ICAM3: variants seen among roughly 807,000 people sequenced by gnomAD.
The protein encoded by ICAM3 is ICAM-3.
In ICAM3, 54 loss-of-function variants were observed where a neutral mutation model predicts 43.6. The ratio of observed to expected loss-of-function variants is 1.24; its 90% CI spans 0.99 to 1.55. ICAM3 has a LOEUF of 1.55. Ranked by LOEUF, ICAM3 falls within the 40% of genes most tolerant of loss-of-function variation. The pLI is 0.00. For missense variants in ICAM3, 715 were observed against 717.9 expected (o/e 1.00, Z 0.05); for synonymous variants, 306 against 312.6 (o/e 0.98, Z 0.22).
Position 10,339,620 on chromosome 19 carries a change from C to A in ICAM3, c.-6G>T. ...GATGGTACCATGGTGGCCATTCTGA[C>A]AGAGGAAGGTGCCTTCCTGAGGTGC... On this transcript the variant is annotated 5_prime_UTR_variant, in exon 1 of 7. Coordinates refer to ENST00000160262, the MANE Select transcript of ICAM3 (RefSeq NM_002162.5). The A allele has an allele frequency of 6.2e-7, 1 of 1,613,012 alleles. No individual in the cohort carries two copies. The highest frequency in any genetic ancestry group is 1.3e-5 in the African/African-American group (1 of 75,062).
In ICAM3 at chr19:10,339,404, TC is replaced by T. The variant is rs1179251692; in HGVS notation, c.76+134del. ...AGGCTGAACTAAGGAACCAGAACTT[TC>T]TCCCGAGGATACAGAGTCAGCGGCC... On this transcript the variant is annotated intron_variant, in intron 1 of 6. Transcript: ENST00000160262. 7.2e-5 allele frequency: 54 copies of T among 748,246 alleles called. 2 individuals are homozygous for T. The East Asian group carries it at 1.2e-3, about 17-fold the overall frequency. The allele number at this position is 748,246 out of a possible 1,614,324, so 46.4% of individuals were successfully genotyped here.
chr19:10,336,148 G>T (rs1334161383), intron 2 of ICAM3, 172 bp from the exon 3 acceptor site: 27 of 602,166 alleles, frequency 4.5e-5, no homozygotes, highest in Non-Finnish European at 1.7e-5. Context: ...CATTAGCGCA[G>T]TGATTATCAT....
At position 10,334,525 on chromosome 19, in the gene ICAM3, C is replaced by A. The variant is rs2040563082; in HGVS notation, c.1192+3G>T. On this transcript the variant is annotated splice_donor_region_variant and intron_variant, in intron 5 of 6. Coordinates refer to ENST00000160262, the MANE Select transcript of ICAM3 (RefSeq NM_002162.5). This position sits in a 1 kb window ranked among gnomAD's most constrained non-coding sequence, Gnocchi z 5.5. Reference sequence around the variant, plus strand: ...GGATTAAAGGTCAGGGTGACCGACTCACACAGGACTCGCAGCTGGACGCTA... The same window carrying A: ...GGATTAAAGGTCAGGGTGACCGACTAACACAGGACTCGCAGCTGGACGCTA... 1 of 1,605,514 alleles carries A rather than the reference C, an allele frequency of 6.2e-7. No individual in the cohort carries two copies. The highest frequency in any genetic ancestry group is 1.3e-5 in the African/African-American group (1 of 74,948).
Position 10,335,713 on chromosome 19 carries a change from G to C in ICAM3, c.607C>G (p.Leu203Val). Residue 203 changes from leucine to valine, a missense_variant, in exon 3 of 7, where the codon CTG becomes GTG. By Grantham distance (32) the Leu-to-Val change is conservative. Coordinates refer to ENST00000160262, the MANE Select transcript of ICAM3 (RefSeq NM_002162.5). ...ELDMQPQGLGLFVNTSAPRQL... is the reference protein window; with the variant it reads ...ELDMQPQGLGVFVNTSAPRQL... Reference sequence around the variant, plus strand: ...CGGGGGGCTGAGGTGTTCACGAACAGTCCCAGCCCCTGGGGCTGCATGTCC... The same window carrying C: ...CGGGGGGCTGAGGTGTTCACGAACACTCCCAGCCCCTGGGGCTGCATGTCC... 2 of 1,609,706 alleles carry C rather than the reference G, an allele frequency of 1.2e-6. No individual in the cohort carries two copies. The highest frequency in any genetic ancestry group is 1.7e-6 in the Non-Finnish European group (2 of 1,178,514).
chr19:10,335,053 C>T lies in ICAM3; in HGVS notation c.937+13G>A. The T allele has an allele frequency of 6.2e-7, 1 of 1,608,288 alleles. No homozygotes were observed. The highest frequency in any genetic ancestry group is 8.5e-7 in the Non-Finnish European group (1 of 1,176,354). ...CTGCTGAGGCCGCGCCCCCTTCCCACGCCTCCTCTTACTAAAGACCGTCAA... is the reference window on the plus strand; with the variant it reads ...CTGCTGAGGCCGCGCCCCCTTCCCATGCCTCCTCTTACTAAAGACCGTCAA... On this transcript the variant is annotated intron_variant, in intron 4 of 6. Transcript: ENST00000160262.
chr19:10,335,106 C>A lies in ICAM3; in HGVS notation c.897G>T (p.Gly299=), dbSNP rs757719580. The A allele has an allele frequency of 6.2e-7, 1 of 1,613,570 alleles. No individual in the cohort carries two copies. The highest frequency in any genetic ancestry group is 2.2e-5 in the East Asian group (1 of 44,838). ...TCTCCCGGGCCTCCCGTCTCTCGCC[C>A]CCTAGGGTCACGTTGCAGACGATCT... ...AREIVCNVTL[G]GERREARENL... The change falls in exon 4 of 7, where the codon GGG becomes GGT. Residue 299 remains glycine (G), a synonymous_variant. Transcript: ENST00000160262.
intron 1 of ICAM3, 129 bp from the exon 2 acceptor site, chr19:10,339,077 G>T (rs2145104653): frequency 1.0e-6 from 1 of 961,646 alleles, no homozygotes. Context: ...TGGTCCAGTG[G>T]GAAAGGTAGA....
chr19:10,336,012 C>A, intron 2 of ICAM3, 36 bp from the exon 3 acceptor site: 1 of 1,497,230 alleles, frequency 6.7e-7, no homozygotes, highest in Non-Finnish European at 8.9e-7. Context: ...TTAGCGGGTC[C>A]TGCAAACCCA....
chr19:10,336,067 G>A (rs1018779340), intron 2 of ICAM3, 91 bp from the exon 3 acceptor site: 51 of 1,179,770 alleles, frequency 4.3e-5, no homozygotes, highest in African/African-American at 3.7e-4. Context: ...TGGTCCTGCC[G>A]AGAACTGTGA....
chr19:10,335,737 C>T lies in ICAM3; in HGVS notation c.583G>A (p.Asp195Asn), dbSNP rs764654393. Residue 195 changes from aspartate (D) to asparagine (N), a missense_variant, in exon 3 of 7, where the codon GAC becomes AAC. By Grantham distance (23) the Asp-to-Asn change is conservative. Coordinates refer to ENST00000160262, the MANE Select transcript of ICAM3 (RefSeq NM_002162.5). ...GAPFSCRTEL[D>N]MQPQGLGLFV... is the part of the protein sequence containing the mutation. ...AGTCCCAGCCCCTGGGGCTGCATGTCCAGTTCTGTGCGGCATGAGAAAGGG... is the reference window on the plus strand; with the variant it reads ...AGTCCCAGCCCCTGGGGCTGCATGTTCAGTTCTGTGCGGCATGAGAAAGGG... 3.1e-6 allele frequency: 5 copies of T among 1,611,660 alleles called. No individual in the cohort carries two copies. Among genetic ancestry groups the T allele is most frequent in the Non-Finnish European group, 4.2e-6 (5 of 1,179,318 alleles).
At chr19:10,337,911 G>T (rs2040615379) in intron 2 of ICAM3, among the ~76,000 whole-genome samples, 1 of 152,276 alleles carries the variant, frequency 6.6e-6, no homozygotes, top group East Asian at 1.9e-4. Flanking sequence ...TATTGTTGGG[G>T]CCAGGCGCAG....
At position 10,335,361 on chromosome 19, in the gene ICAM3, G is replaced by A. The variant is rs771835740; in HGVS notation, c.650-8C>T. On this transcript the variant is annotated splice_polypyrimidine_tract_variant and splice_region_variant and intron_variant, in intron 3 of 6. Transcript: ENST00000160262. ...GGGGGGTCACGGGCAGGACTGGGGAGAAAGGTGGGCATAGTACAACCCCCA... is the reference window on the plus strand; with the variant it reads ...GGGGGGTCACGGGCAGGACTGGGGAAAAAGGTGGGCATAGTACAACCCCCA... The A allele has an allele frequency of 6.3e-7, 1 of 1,591,136 alleles. No homozygotes were observed. Among genetic ancestry groups the A allele is most frequent in the Admixed American group, 1.7e-5 (1 of 57,268 alleles).
At position 10,334,994 on chromosome 19, in the gene ICAM3, G is replaced by T. The variant is rs2040572635; in HGVS notation, c.937+72C>A. The T allele has an allele frequency of 6.5e-7, 1 of 1,546,342 alleles. No individual in the cohort carries two copies. The highest frequency in any genetic ancestry group is 8.8e-7 in the Non-Finnish European group (1 of 1,142,390). ...GGGGCAAGCCAGGCCCCACCTTTTC[G>T]GCTAGTCTCCGCCCCCTCTGCCACG... On this transcript the variant is annotated intron_variant, in intron 4 of 6. Coordinates refer to ENST00000160262, the MANE Select transcript of ICAM3 (RefSeq NM_002162.5). This position sits in a 1 kb window ranked among gnomAD's most constrained non-coding sequence, Gnocchi z 5.5.
Position 10,334,073 on chromosome 19 carries a change from G to A in ICAM3, c.1442-14C>T. ...GGGAGCTCCCAGCTGTGCAGAGAAAGCGCTAAGTCAATATGCGTCCCTTCT... is the reference window on the plus strand; with the variant it reads ...GGGAGCTCCCAGCTGTGCAGAGAAAACGCTAAGTCAATATGCGTCCCTTCT... On this transcript the variant is annotated splice_polypyrimidine_tract_variant and intron_variant, in intron 6 of 6. Transcript: ENST00000160262. The surrounding 1 kb of genome is among the most constrained non-coding windows in gnomAD (Gnocchi z 5.5). The A allele has an allele frequency of 6.2e-7, 1 of 1,613,640 alleles. No individual in the cohort carries two copies. The highest frequency in any genetic ancestry group is 8.5e-7 in the Non-Finnish European group (1 of 1,179,694).
In ICAM3 at chr19:10,339,596, A is replaced by C. The variant is rs761993700; in HGVS notation, c.19T>G (p.Ser7Ala). MATMVP[S>A]VLWPRACWTL... ...CAGCAGGCCCTGGGCCACAACACGGATGGTACCATGGTGGCCATTCTGACA... is the reference window on the plus strand; with the variant it reads ...CAGCAGGCCCTGGGCCACAACACGGCTGGTACCATGGTGGCCATTCTGACA... Residue 7 changes from serine (S) to alanine (A), a missense_variant, in exon 1 of 7, where the codon TCC becomes GCC. Ser to Ala is a moderately conservative substitution (Grantham distance 99). Transcript: ENST00000160262. The C allele has an allele frequency of 4.3e-6, 7 of 1,613,960 alleles. No homozygotes were observed. In the East Asian group the frequency reaches 1.3e-4, roughly 31 times the overall value.
chr19:10,335,080 T>G lies in ICAM3; in HGVS notation c.923A>C (p.Asn308Thr), dbSNP rs867017111. Residue 308 changes from asparagine to threonine, a missense_variant, in exon 4 of 7, where the codon AAC becomes ACC. Transcript: ENST00000160262. ...LGGERREARE[N>T]LTVFSFLGPI... ...CCTCCTCTTACTAAAGACCGTCAAGTTCTCCCGGGCCTCCCGTCTCTCGCC... is the reference window on the plus strand; with the variant it reads ...CCTCCTCTTACTAAAGACCGTCAAGGTCTCCCGGGCCTCCCGTCTCTCGCC... 2.5e-6 allele frequency: 4 copies of G among 1,612,806 alleles called. No homozygotes were observed. In the African/African-American group the frequency reaches 5.3e-5, roughly 22 times the overall value.
At position 10,335,185 on chromosome 19, in the gene ICAM3, G is replaced by T. The variant is rs1478741135; in HGVS notation, c.818C>A (p.Thr273Lys). The change falls in exon 4 of 7, where the codon ACG becomes AAG. Residue 273 changes from threonine (T) to lysine (K), a missense_variant. By Grantham distance (78) the Thr-to-Lys change is moderately conservative. Transcript: ENST00000160262. The stretch of plus-strand genomic sequence containing the variant: ...CGTGGCTGTGGCTGTGGCCGTTAGC[G>T]TGTCCCCGTGGTTCATGACTGTCGC... ...LNATVMNHGDTLTATATATAR... is the reference protein window; with the variant it reads ...LNATVMNHGDKLTATATATAR... 3.1e-6 allele frequency: 5 copies of T among 1,613,808 alleles called. 1 individual carries two copies. The South Asian group carries it at 5.5e-5, about 18-fold the overall frequency.
rs972405662 is a variant in ICAM3 at position 10,334,884 on chromosome 19, G to C, written c.938-102C>G. 1.4e-6 allele frequency: 2 copies of C among 1,469,672 alleles called. No individual in the cohort carries two copies. Among genetic ancestry groups the C allele is most frequent in the Non-Finnish European group, 9.1e-7 (1 of 1,097,288 alleles). The allele number at this position is 1,469,672 out of a possible 1,614,324, so 91.0% of individuals were successfully genotyped here. ...TTTCCTCTCGGGATATCCGGGCCACGCTTTCGGCCGTTCAAGCCTCGCCCT... is the reference window on the plus strand; with the variant it reads ...TTTCCTCTCGGGATATCCGGGCCACCCTTTCGGCCGTTCAAGCCTCGCCCT... On this transcript the variant is annotated intron_variant, in intron 4 of 6. Coordinates refer to ENST00000160262, the MANE Select transcript of ICAM3 (RefSeq NM_002162.5). This position sits in a 1 kb window ranked among gnomAD's most constrained non-coding sequence, Gnocchi z 5.5.
Position 10,335,159 on chromosome 19 carries a change from C to T in ICAM3, c.844G>A (p.Ala282Thr). Reference sequence around the variant, plus strand: ...CGGGCACCCTCCTGATCCGCGCGCGCCGTGGCTGTGGCTGTGGCCGTTAGC... The same window carrying T: ...CGGGCACCCTCCTGATCCGCGCGCGTCGTGGCTGTGGCTGTGGCCGTTAGC... ...DTLTATATAT[A>T]RADQEGAREI... Residue 282 changes from alanine (A) to threonine (T), a missense_variant, in exon 4 of 7, where the codon GCG (alanine) becomes ACG (threonine). Physicochemically the swap from Ala to Thr is moderately conservative, Grantham distance 58 (BLOSUM62 0). Transcript: ENST00000160262. 2 of 1,613,766 alleles carry T rather than the reference C, an allele frequency of 1.2e-6. No homozygotes were observed. Among genetic ancestry groups the T allele is most frequent in the Non-Finnish European group, 1.7e-6 (2 of 1,180,014 alleles).
Sources: gnomAD v4.1 joint callset for allele counts (sites outside exome capture counted in the v4.1 genomes callset) on GRCh38, gnomAD v4.1.1 for gene constraint, Gnocchi (gnomAD v3.1) non-coding constraint, MANE v1.5 for transcripts, NCBI Gene and HGNC (gene_info 2026-07-23, HGNC 2026-07-21) for gene names.